The following KCNQ1 variants were observed in gnomAD, a reference collection of about 807,000 sequenced individuals.
The protein encoded by KCNQ1 is potassium voltage-gated channel subfamily Q member 1.
KCNQ1 carries 49 observed loss-of-function variants against 72.4 expected under a neutral mutation model. The ratio of observed to expected loss-of-function variants is 0.68; its 90% CI spans 0.54 to 0.86. The LOEUF is 0.86. Ranked by LOEUF, KCNQ1 falls within the 40% of genes least tolerant of loss-of-function variation. The pLI is 0.00. For missense variants in KCNQ1, 790 were observed against 945.1 expected, an observed-to-expected ratio of 0.84 and a Z score of 2.15; for synonymous variants, 450 against 412.6, an observed-to-expected ratio of 1.09 and a Z score of -1.10.
chr11:2,583,626 C>T, intron 7 of KCNQ1, 81 bp downstream of exon 7: 1 of 938,540 alleles, frequency 1.1e-6, no homozygotes, highest in Non-Finnish European at 1.8e-6. Flanking sequence ...TCCCTGTGAG[C>T]AGACCCACTT....
chr11:2,557,522 C>G (rs1848090183), intron 2 of KCNQ1, among the ~76,000 whole-genome samples: 1 of 152,232 alleles, frequency 6.6e-6, no homozygotes, highest in Admixed American at 6.5e-5. Flanking sequence ...AAATCTAGCA[C>G]CTTCAAAATA....
intron 10 of KCNQ1, chr11:2,646,837 T>C (rs111614169): frequency 2.8e-5 from 11 of 398,620 alleles, no homozygotes; most frequent in African/African-American, 2.3e-4. Flanking sequence ...TGTTTGTTGA[T>C]TTTTTTATCC....
rs1018949018 is a variant in KCNQ1, at chr11:2,759,277, G to A, written c.1515-9567G>A. ...AGGCCTGCAAGGCCCTCATGCCTAC[G>A]AGGTGGCTGCTAGGGGGATGTGACG... On this transcript the variant is annotated intron_variant, in intron 11 of 15. Transcript: ENST00000155840. The surrounding 1 kb of genome is among the most constrained non-coding windows in gnomAD (Gnocchi z 4.4). Among the ~76,000 whole-genome samples, 1 of 152,166 alleles carries A rather than the reference G, an allele frequency of 6.6e-6. No individual in the cohort carries two copies. The highest frequency in any genetic ancestry group is 2.1e-4 in the South Asian group (1 of 4,828).
rs1459825 is a variant in KCNQ1, at chr11:2,668,316, T to C, written c.1514+6235T>C. On this transcript the variant is annotated intron_variant, in intron 11 of 15. Coordinates refer to ENST00000155840, the MANE Select transcript of KCNQ1 (RefSeq NM_000218.3). This position sits in a 1 kb window ranked among gnomAD's most constrained non-coding sequence, Gnocchi z 4.3. ...CATCAGGTTGCGTTTCTGGGGAATA[T>C]ATGCCTATGTGTGGAGCTGCAGGGT... The C allele has an allele frequency of 0.25, 98,044 of 398,420 alleles. 13,894 individuals are homozygous for C. Among genetic ancestry groups the C allele is most frequent in the African/African-American group, 0.45 (22,002 of 48,612 alleles). 24.7% of individuals were successfully genotyped at this position (398,420 alleles called of 1,614,324 possible).
chr11:2,707,020 T>C (rs932921501), intron 11 of KCNQ1, among the ~76,000 whole-genome samples: 3 of 152,124 alleles, frequency 2.0e-5, no homozygotes, highest in African/African-American at 7.2e-5. Context: ...CCAAATCCAT[T>C]TCCTTGGGAC....
chr11:2,693,626 C>A (rs567617500), intron 11 of KCNQ1: 24 of 398,638 alleles, frequency 6.0e-5, no homozygotes, highest in African/African-American at 4.9e-4. Context: ...CTTCGCCCAG[C>A]CGTAGGAAAG....
At chr11:2,637,724 A>G (rs1176144836) in intron 10 of KCNQ1, 1 of 152,200 alleles carries the variant, frequency 6.6e-6, no homozygotes, top group East Asian at 1.9e-4. Flanking sequence ...GCTGAGTTCA[A>G]TTCCTGGATA....
chr11:2,695,682 G>T lies in KCNQ1; in HGVS notation c.1514+33601G>T. 2.5e-6 allele frequency: 1 copy of T among 398,628 alleles called. No individual in the cohort carries two copies. Among genetic ancestry groups the T allele is most frequent in the Non-Finnish European group, 4.4e-6 (1 of 226,076 alleles). 24.7% of individuals were successfully genotyped at this position (398,628 alleles called of 1,614,324 possible). A position where few individuals can be genotyped will look rare whatever the true frequency, so the allele number is the denominator to read the frequency against. ...TTATTTGAGGAAGAAGTGTTGGCCA[G>T]CTCTTCAGAACGTCTGTGCCTGTCT... On this transcript the variant is annotated intron_variant, in intron 11 of 15. Transcript: ENST00000155840. This position sits in a 1 kb window ranked among gnomAD's most constrained non-coding sequence, Gnocchi z 5.2.
chr11:2,684,068 A>G (rs1850444729), intron 11 of KCNQ1: 1 of 398,450 alleles, frequency 2.5e-6, no homozygotes, highest in Non-Finnish European at 4.4e-6. Flanking sequence ...TTTAGAGTAA[A>G]TAATTCATTA....
In KCNQ1 at chr11:2,482,577, A is replaced by G. The variant is rs1247364594; in HGVS notation, c.386+37093A>G. Among the ~76,000 whole-genome samples, 3 of 152,094 alleles carry G rather than the reference A, an allele frequency of 2.0e-5. No homozygotes were observed. The highest frequency in any genetic ancestry group is 4.4e-5 in the Non-Finnish European group (3 of 68,026). ...TTATGGCTCTGACACCTTTGGCCAA[A>G]TCACCTTCCGGGAGTGTTTTCCTAA... On this transcript the variant is annotated intron_variant, in intron 1 of 15. Transcript: ENST00000155840. The surrounding 1 kb of genome is among the most constrained non-coding windows in gnomAD (Gnocchi z 5.7).
intron 15 of KCNQ1, among the ~76,000 whole-genome samples, chr11:2,807,802 G>A (rs1300170138): frequency 1.3e-5 from 2 of 151,582 alleles, no homozygotes; most frequent in Admixed American, 6.6e-5. Context: ...CCCCCATCAC[G>A]ATACTCCAGT....
Position 2,627,183 on chromosome 11 carries a change from A to T in KCNQ1, c.1394-34778A>T. On this transcript the variant is annotated intron_variant, in intron 10 of 15. Transcript: ENST00000155840. The surrounding 1 kb of genome is among the most constrained non-coding windows in gnomAD (Gnocchi z 4.9). ...GTTTGTTATTCTTGATGCTTTTTTCAGCTTTTATTGAGGTATAATTGACAA... is the reference window on the plus strand; with the variant it reads ...GTTTGTTATTCTTGATGCTTTTTTCTGCTTTTATTGAGGTATAATTGACAA... 1 of 398,412 alleles carries T rather than the reference A, an allele frequency of 2.5e-6. No individual in the cohort carries two copies. The highest frequency in any genetic ancestry group is 4.4e-6 in the Non-Finnish European group (1 of 226,024). The allele number at this position is 398,412 out of a possible 1,614,324, so 24.7% of individuals were successfully genotyped here.
Position 2,589,059 on chromosome 11 carries a change from C to T in KCNQ1, c.1393+205C>T, listed in dbSNP as rs1002034643. 5.9e-5 allele frequency among the ~76,000 whole-genome samples: 9 copies of T among 152,282 alleles called. No homozygotes were observed. In the East Asian group the frequency reaches 7.7e-4, roughly 13 times the overall value. On this transcript the variant is annotated intron_variant, in intron 10 of 15. Transcript: ENST00000155840. ...AGTCTTCCCAAGGAGGAGCTGGCCA[C>T]GCCTTCTGTTGCGAGAGGAAGCCTG...
In KCNQ1 at chr11:2,457,450, C is replaced by T. The variant is rs188525474; in HGVS notation, c.386+11966C>T. Among the ~76,000 whole-genome samples the T allele has an allele frequency of 1.3e-3, 196 of 152,272 alleles. 1 individual carries two copies. The highest frequency in any genetic ancestry group is 4.4e-3 in the African/African-American group (183 of 41,552). On this transcript the variant is annotated intron_variant, in intron 1 of 15. Transcript: ENST00000155840. This position sits in a 1 kb window ranked among gnomAD's most constrained non-coding sequence, Gnocchi z 5.0. ...TATACACCATGGAATACTATGCAGACGTGAAAATCATGTCCTTTGCAGCAA... is the reference window on the plus strand; with the variant it reads ...TATACACCATGGAATACTATGCAGATGTGAAAATCATGTCCTTTGCAGCAA...
intron 2 of KCNQ1, among the ~76,000 whole-genome samples, chr11:2,551,300 G>A (rs534199102): frequency 1.4e-4 from 21 of 152,296 alleles, no homozygotes; most frequent in African/African-American, 3.6e-4. Context: ...AACCGTGGAC[G>A]TGTTTCCTGT....
Position 2,777,814 on chromosome 11 carries a change from GTA to G in KCNQ1, c.1733-160_1733-159del. On this transcript the variant is annotated intron_variant, in intron 14 of 15. Coordinates refer to ENST00000155840, the MANE Select transcript of KCNQ1 (RefSeq NM_000218.3). Reference sequence around the variant, plus strand: ...ATGCCCGGCCACCGTACCACCCCTGGTATTTTTGTCATAGCATGCTTTTTAAA... The same window carrying G: ...ATGCCCGGCCACCGTACCACCCCTGGTTTTTGTCATAGCATGCTTTTTAAA... 7 of 668,338 alleles carry G rather than the reference GTA, an allele frequency of 1.0e-5. No individual in the cohort carries two copies. Among genetic ancestry groups the G allele is most frequent in the Non-Finnish European group, 1.9e-5 (7 of 370,362 alleles). The allele number at this position is 668,338 out of a possible 1,614,324, so 41.4% of individuals were successfully genotyped here. A position where few individuals can be genotyped will look rare whatever the true frequency, so the allele number is the denominator to read the frequency against.
At position 2,671,125 on chromosome 11, in the gene KCNQ1, TG is replaced by T; in HGVS notation, c.1514+9046del. 1 of 398,470 alleles carries T rather than the reference TG, an allele frequency of 2.5e-6. No individual in the cohort carries two copies. The highest frequency in any genetic ancestry group is 6.3e-4 in the Middle Eastern group (1 of 1,588). The allele number at this position is 398,470 out of a possible 1,614,324, so 24.7% of individuals were successfully genotyped here. On this transcript the variant is annotated intron_variant, in intron 11 of 15. Transcript: ENST00000155840. This position sits in a 1 kb window ranked among gnomAD's most constrained non-coding sequence, Gnocchi z 4.7. Reference sequence around the variant, plus strand: ...GTCTGAGCAGTTAGTCTGTCAGGCCTGGTTGGTCCCATGGGAGGCCTGAGGT... The same window carrying T: ...GTCTGAGCAGTTAGTCTGTCAGGCCTGTTGGTCCCATGGGAGGCCTGAGGT...
rs1846355950 is a variant in KCNQ1 at position 2,759,527 on chromosome 11, A to G, written c.1515-9317A>G. 2.6e-5 allele frequency among the ~76,000 whole-genome samples: 4 copies of G among 152,220 alleles called. No homozygotes were observed. Among genetic ancestry groups the G allele is most frequent in the Admixed American group, 2.6e-4 (4 of 15,288 alleles). ...CAGCTCTGTGTCTCCTAGGACGCAC[A>G]GGTGTGGGACCTCACTGCGCGGGAG... On this transcript the variant is annotated intron_variant, in intron 11 of 15. Transcript: ENST00000155840. The surrounding 1 kb of genome is among the most constrained non-coding windows in gnomAD (Gnocchi z 4.4).
At position 2,483,550 on chromosome 11, in the gene KCNQ1, C is replaced by G. The variant is rs921601165; in HGVS notation, c.386+38066C>G. Among the ~76,000 whole-genome samples, 8 of 152,164 alleles carry G rather than the reference C, an allele frequency of 5.3e-5. No homozygotes were observed. Among genetic ancestry groups the G allele is most frequent in the African/African-American group, 1.7e-4 (7 of 41,442 alleles). On this transcript the variant is annotated intron_variant, in intron 1 of 15. Coordinates refer to ENST00000155840, the MANE Select transcript of KCNQ1 (RefSeq NM_000218.3). This position sits in a 1 kb window ranked among gnomAD's most constrained non-coding sequence, Gnocchi z 6.1. Reference sequence around the variant, plus strand: ...CCAGGTCTCCTTTCGTGTCCTGCAGCCTGTGCCAGCTCCTCAGTCTCTCTT... The same window carrying G: ...CCAGGTCTCCTTTCGTGTCCTGCAGGCTGTGCCAGCTCCTCAGTCTCTCTT...
Sources: allele counts gnomAD v4.1 joint callset (sites outside exome capture counted in the v4.1 genomes callset), GRCh38; gene constraint gnomAD v4.1.1; non-coding constraint Gnocchi (gnomAD v3.1); transcripts MANE v1.5; gene names NCBI Gene and HGNC (gene_info 2026-07-23, HGNC 2026-07-21).